The following SLCO3A1 variants were observed in gnomAD, a reference collection of about 807,000 sequenced individuals.
SLCO3A1 encodes solute carrier organic anion transporter family member 3A1.
A neutral mutation model predicts 63.1 loss-of-function variants in SLCO3A1; 27 were observed. The ratio of observed to expected loss-of-function variants is 0.43; its 90% confidence interval spans 0.32 to 0.59. The LOEUF (loss-of-function observed/expected upper bound fraction) is 0.59. Ranked by LOEUF, SLCO3A1 falls within the 20% of genes least tolerant of loss-of-function variation. The pLI, the probability that SLCO3A1 is intolerant of heterozygous loss-of-function variation, is 0.09. For synonymous variants in SLCO3A1, 473 were observed against 409.9 expected, an observed-to-expected ratio of 1.15 and a Z score of -1.86; for missense variants, 773 against 945.8, an observed-to-expected ratio of 0.82 and a Z score of 2.40.
chr15:92,143,407 T>A (rs372806217), intron 7 of SLCO3A1, among the ~76,000 whole-genome samples: 7 of 552 alleles, frequency 0.013, 1 homozygote, highest in Admixed American at 0.056. Context: ...ATAATATATA[T>A]AATATATATA....
rs1427653530 is a variant in SLCO3A1 at position 91,953,784 on chromosome 15, C to T, written c.646+37326C>T. On this transcript the variant is annotated intron_variant, in intron 2 of 9. Coordinates refer to ENST00000318445, the MANE Select transcript of SLCO3A1 (RefSeq NM_013272.4). The stretch of plus-strand genomic sequence containing the variant: ...TCAGTGTGGGTGGGAACACTTCCCA[C>T]ACTGCTGTGACTCTGGGGTGATTGC... Among the ~76,000 whole-genome samples the T allele has an allele frequency of 2.0e-5, 3 of 152,226 alleles. No individual in the cohort carries two copies. The East Asian group carries it at 5.8e-4, about 29-fold the overall frequency.
intron 1 of SLCO3A1, among the ~76,000 whole-genome samples, chr15:91,858,523 GA>G (rs1250464734): frequency 2.0e-5 from 3 of 152,160 alleles, no homozygotes; most frequent in Non-Finnish European, 4.4e-5. Context: ...AACAATAGAA[GA>G]AACTGAATGA....
intron 2 of SLCO3A1, among the ~76,000 whole-genome samples, chr15:91,973,478 A>C (rs917486458): frequency 1.3e-5 from 2 of 152,204 alleles, no homozygotes; most frequent in African/African-American, 2.4e-5. Context: ...CAGATGCAAC[A>C]GCAGGAAGAA....
At chr15:91,998,189 C>G (rs1420845665) in intron 2 of SLCO3A1, among the ~76,000 whole-genome samples, 1 of 152,210 alleles carries the variant, frequency 6.6e-6, no homozygotes, top group East Asian at 1.9e-4. Context: ...TGTGGTGGCT[C>G]ATGCCTGTAA....
At chr15:92,106,619 C>T (rs767743527) in intron 4 of SLCO3A1, among the ~76,000 whole-genome samples, 1 of 152,120 alleles carries the variant, frequency 6.6e-6, no homozygotes, top group Non-Finnish European at 1.5e-5. Flanking sequence ...GTAAAAGCTG[C>T]ACTAGTAATC....
At chr15:91,907,598 C>T (rs1898351933) in intron 1 of SLCO3A1, among the ~76,000 whole-genome samples, 1 of 151,834 alleles carries the variant, frequency 6.6e-6, no homozygotes, top group South Asian at 2.1e-4. Context: ...GATCTTGGCT[C>T]ACTGCAGCCT....
At chr15:91,937,547 A>G (rs999946773) in intron 2 of SLCO3A1, among the ~76,000 whole-genome samples, 1 of 151,994 alleles carries the variant, frequency 6.6e-6, no homozygotes, top group African/African-American at 2.4e-5. Flanking sequence ...GTGAAACCCC[A>G]TCTCTACTAA....
intron 7 of SLCO3A1, among the ~76,000 whole-genome samples, chr15:92,131,531 A>AT (rs200333279): frequency 0.15 from 21,750 of 143,630 alleles, 3,828 homozygotes; most frequent in Admixed American, 0.24. Context: ...CACCCAGCTA[A>AT]TTTTTTATAT....
Position 92,102,542 on chromosome 15 carries a change from C to T in SLCO3A1, c.746-1737C>T, listed in dbSNP as rs141087281. ...ACTCAAGGAGGGTAAGTAATCTGCC[C>T]AGTGTCACATGCTAGTAAGTGGCAG... On this transcript the variant is annotated intron_variant, in intron 3 of 9. Transcript: ENST00000318445. Among the ~76,000 whole-genome samples, 226 of 150,676 alleles carry T rather than the reference C, an allele frequency of 1.5e-3. 3 individuals carry two copies. Among genetic ancestry groups the T allele is most frequent in the African/African-American group, 5.3e-3 (216 of 40,936 alleles).
Position 91,856,054 on chromosome 15 carries a change from G to A in SLCO3A1, c.180+1966G>A, listed in dbSNP as rs1896911340. Among the ~76,000 whole-genome samples the A allele has an allele frequency of 6.6e-6, 1 of 152,010 alleles. No homozygotes were observed. Among genetic ancestry groups the A allele is most frequent in the African/African-American group, 2.4e-5 (1 of 41,348 alleles). On this transcript the variant is annotated intron_variant, in intron 1 of 9. Coordinates refer to ENST00000318445, the MANE Select transcript of SLCO3A1 (RefSeq NM_013272.4). The surrounding 1 kb of genome is among the most constrained non-coding windows in gnomAD (Gnocchi z 4.9). ...AGCTCCTTTAGAAAGTTAAGAAGCCGAGTACTCCTGGAGTGGTGGACTTCT... is the reference window on the plus strand; with the variant it reads ...AGCTCCTTTAGAAAGTTAAGAAGCCAAGTACTCCTGGAGTGGTGGACTTCT...
chr15:91,926,598 C>G (rs28664798), intron 2 of SLCO3A1, among the ~76,000 whole-genome samples: 43 of 25,602 alleles, frequency 1.7e-3, no homozygotes, highest in African/African-American at 9.3e-3. Flanking sequence ...TGTGTGTGTG[C>G]GCGCGCGCAC....
intron 4 of SLCO3A1, among the ~76,000 whole-genome samples, chr15:92,105,524 G>T (rs918204555): frequency 6.6e-6 from 1 of 152,098 alleles, no homozygotes; most frequent in Non-Finnish European, 1.5e-5. Flanking sequence ...CACCACCACC[G>T]CCCAAGTTGT....
chr15:92,083,417 A>T (rs1299401108), intron 2 of SLCO3A1, among the ~76,000 whole-genome samples: 1 of 152,172 alleles, frequency 6.6e-6, no homozygotes, highest in Non-Finnish European at 1.5e-5. Flanking sequence ...ACGTTCAGGA[A>T]GGGATCTGAG....
At chr15:92,069,099 C>G (rs867832851) in intron 2 of SLCO3A1, among the ~76,000 whole-genome samples, 1 of 21,730 alleles carries the variant, frequency 4.6e-5, no homozygotes, top group African/African-American at 9.2e-5. Flanking sequence ...TCCCCCCGCC[C>G]CCCCCCCGCC....
In SLCO3A1 at chr15:91,937,316, C is replaced by G. The variant is rs569821659; in HGVS notation, c.646+20858C>G. Among the ~76,000 whole-genome samples the G allele has an allele frequency of 3.4e-4, 52 of 152,268 alleles. 1 individual carries two copies. In the South Asian group the frequency reaches 0.011, roughly 31 times the overall value. The stretch of plus-strand genomic sequence containing the variant: ...CAAAGCACTCTCTAGGTGCCAGGCC[C>G]CATGGGGAACAAGTGGCGGGAGGCA... On this transcript the variant is annotated intron_variant, in intron 2 of 9. Transcript: ENST00000318445.
chr15:91,935,763 A>G (rs926982466), intron 2 of SLCO3A1, among the ~76,000 whole-genome samples: 2 of 151,930 alleles, frequency 1.3e-5, no homozygotes, highest in Non-Finnish European at 2.9e-5. Context: ...CTGTGCCTAT[A>G]TGTGGTCACT....
intron 9 of SLCO3A1, among the ~76,000 whole-genome samples, chr15:92,156,617 GGAAAACAGCCCAGATTCTTTC>G (rs2048374501): frequency 6.6e-6 from 1 of 152,220 alleles, no homozygotes; most frequent in South Asian, 2.1e-4. Context: ...AGGTATCACT[GGAAAACAGCCCAGATTCTTTC>G]TTGGCATTGC....
chr15:92,165,056 T>C lies in SLCO3A1; in HGVS notation c.*1921T>C. ...TCAGGAAGTAAAAAATGGTTGGGAG[T>C]GGGACAGGTATGGTACCGAATTTTT... On this transcript the variant is annotated 3_prime_UTR_variant, in exon 10 of 10. Coordinates refer to ENST00000318445, the MANE Select transcript of SLCO3A1 (RefSeq NM_013272.4). The C allele has an allele frequency of 1.0e-6, 1 of 985,176 alleles. No individual in the cohort carries two copies. The highest frequency in any genetic ancestry group is 1.2e-6 in the Non-Finnish European group (1 of 829,840). The allele number at this position is 985,176 out of a possible 1,614,324, so 61.0% of individuals were successfully genotyped here. A position where few individuals can be genotyped will look rare whatever the true frequency, so the allele number is the denominator to read the frequency against.
At position 92,016,204 on chromosome 15, in the gene SLCO3A1, TATAG is replaced by T. The variant is rs1039964856; in HGVS notation, c.647-78630_647-78627del. Among the ~76,000 whole-genome samples the T allele has an allele frequency of 8.8e-3, 1,062 of 120,192 alleles. 8 individuals are homozygous for T. The highest frequency in any genetic ancestry group is 0.013 in the Middle Eastern group (3 of 240). The allele number at this position is 120,192 out of a possible 152,430, so 78.9% of individuals were successfully genotyped here. A position where few individuals can be genotyped will look rare whatever the true frequency, so the allele number is the denominator to read the frequency against. ...TGCAGATTTGTTGTATATATATTTATATAGATAGATAGATAGATAGATAGATAGA... is the reference window on the plus strand; with the variant it reads ...TGCAGATTTGTTGTATATATATTTATATAGATAGATAGATAGATAGATAGA... On this transcript the variant is annotated intron_variant, in intron 2 of 9. Coordinates refer to ENST00000318445, the MANE Select transcript of SLCO3A1 (RefSeq NM_013272.4).
Sources: allele counts gnomAD v4.1 joint callset (sites outside exome capture counted in the v4.1 genomes callset), GRCh38; gene constraint gnomAD v4.1.1; non-coding constraint Gnocchi (gnomAD v3.1); transcripts MANE v1.5; gene names NCBI Gene and HGNC (gene_info 2026-07-23, HGNC 2026-07-21).